Variants in PIP4K2B observed in about 807,000 individuals in gnomAD.
PIP4K2B encodes the protein phosphatidylinositol 5-phosphate 4-kinase type-2 beta.
Under a neutral mutation model 42.0 loss-of-function variants are expected in PIP4K2B, and 3 were observed. The observed-to-expected ratio is 0.07, with a 90% CI of 0.03 to 0.18. PIP4K2B has a LOEUF of 0.18. Ranked by LOEUF, PIP4K2B falls within the 10% of genes least tolerant of loss-of-function variation. The probability of loss-of-function intolerance (pLI) is 1.00; values close to 1 mark genes in which losing one functional copy is unlikely to be tolerated. For synonymous variants in PIP4K2B, 204 were observed against 210.1 expected (o/e 0.97, Z 0.25); for missense variants, 332 against 562.3 (o/e 0.59, Z 4.14).
At chr17:38,786,793 A>G in intron 2 of PIP4K2B, 30 bp downstream of exon 2, 2 of 1,436,438 alleles carry the variant, frequency 1.4e-6, no homozygotes, top group Non-Finnish European at 2.0e-6. Flanking sequence ...ACTGCCCACA[A>G]AACCTGAGTC....
intron 3 of PIP4K2B, among the ~76,000 whole-genome samples, chr17:38,783,061 G>T (rs1254606812): frequency 6.6e-6 from 1 of 151,748 alleles, no homozygotes; most frequent in Non-Finnish European, 1.5e-5. Context: ...CGGGTGTGGT[G>T]GTGGGCGCCT....
intron 7 of PIP4K2B, among the ~76,000 whole-genome samples, chr17:38,774,534 C>G (rs1046246091): frequency 1.3e-5 from 2 of 151,956 alleles, no homozygotes; most frequent in East Asian, 1.9e-4. Context: ...TTTGGGAGGC[C>G]GAGGCAGGCA....
chr17:38,779,974 T>C (rs1046426641), intron 4 of PIP4K2B: 1 of 181,782 alleles, frequency 5.5e-6, no homozygotes, highest in Non-Finnish European at 1.1e-5. Context: ...CTCTTATCCA[T>C]GCCATGCCCC....
intron 1 of PIP4K2B, among the ~76,000 whole-genome samples, chr17:38,795,753 G>C (rs1303428768): frequency 8.9e-6 from 1 of 112,040 alleles, no homozygotes. Flanking sequence ...TCTGTCTCAA[G>C]AAAAAAAAAA....
Position 38,777,673 on chromosome 17 carries a change from A to G in PIP4K2B, c.807+14T>C, listed in dbSNP as rs1598046896. The G allele has an allele frequency of 1.3e-6, 2 of 1,540,118 alleles. No individual in the cohort carries two copies. The highest frequency in any genetic ancestry group is 1.7e-4 in the Middle Eastern group (1 of 5,908). On this transcript the variant is annotated intron_variant, in intron 7 of 9. Coordinates refer to ENST00000619039, the MANE Select transcript of PIP4K2B (RefSeq NM_003559.5). ...GAAGGAGCCTTGCAGGTGAAAATGAAGGTTAGTAAGTACCTCAACGTCCCG... is the reference window on the plus strand; with the variant it reads ...GAAGGAGCCTTGCAGGTGAAAATGAGGGTTAGTAAGTACCTCAACGTCCCG...
chr17:38,780,941 T>C (rs760459611), intron 3 of PIP4K2B, among the ~76,000 whole-genome samples: 5 of 152,156 alleles, frequency 3.3e-5, no homozygotes, highest in Admixed American at 6.5e-5. Context: ...TAATCTGGAC[T>C]CTCACACGCA....
intron 2 of PIP4K2B, 113 bp downstream of exon 2, chr17:38,786,710 T>A: frequency 1.3e-6 from 1 of 749,326 alleles, no homozygotes. Flanking sequence ...GGTGCTGCTG[T>A]CACACCCTGC....
chr17:38,780,642 G>A, intron 3 of PIP4K2B, 38 bp from the exon 4 acceptor site: 1 of 1,593,356 alleles, frequency 6.3e-7, no homozygotes, highest in Non-Finnish European at 8.6e-7. Flanking sequence ...GCTTGGCAGG[G>A]GAACAGAATT....
At position 38,767,297 on chromosome 17, in the gene PIP4K2B, A is replaced by G. The variant is rs972022483; in HGVS notation, c.*2394T>C. The stretch of plus-strand genomic sequence containing the variant: ...CAAAAAGAAGAGAAAGGAAACTTGT[A>G]TAAACCAAGATAAATAGCTTTTAAA... On this transcript the variant is annotated 3_prime_UTR_variant, in exon 10 of 10. Coordinates refer to ENST00000619039, the MANE Select transcript of PIP4K2B (RefSeq NM_003559.5). 6.6e-6 allele frequency: 1 copy of G among 152,222 alleles called. No homozygotes were observed. The highest frequency in any genetic ancestry group is 1.5e-5 in the Non-Finnish European group (1 of 68,038). The allele number at this position is 152,222 out of a possible 1,614,324, so 9.4% of individuals were successfully genotyped here. A position where few individuals can be genotyped will look rare whatever the true frequency, so the allele number is the denominator to read the frequency against.
rs1022925120 is a variant in PIP4K2B at position 38,771,051 on chromosome 17, G to T, written c.1029C>A (p.Asp343Glu). The T allele has an allele frequency of 6.2e-7, 1 of 1,614,158 alleles. No homozygotes were observed. Among genetic ancestry groups the T allele is most frequent in the East Asian group, 2.2e-5 (1 of 44,884 alleles). The part of the protein sequence containing the change: ...FPRFFGPGEF[D>E]PSVDVYAMKS... ...TCATGGCATAGACGTCAACAGAGGG[G>T]TCGAATTCCCCAGGACCAAAGAACC... is the stretch of plus-strand genomic sequence containing the variant. Residue 343 changes from aspartate (D) to glutamate (E), a missense_variant, in exon 8 of 10, where the codon GAC becomes GAA. Asp to Glu is a conservative substitution (Grantham distance 45, BLOSUM62 2). This residue lies in a region of PIP4K2B where 63 missense variants were observed against 71.6 expected (regional missense o/e 0.88). Coordinates refer to ENST00000619039, the MANE Select transcript of PIP4K2B (RefSeq NM_003559.5).
At chr17:38,784,108 G>T (rs549539908) in intron 3 of PIP4K2B, 135 bp downstream of exon 3, 2 of 599,724 alleles carry the variant, frequency 3.3e-6, no homozygotes, top group East Asian at 2.9e-5. Context: ...GGGAGAGACC[G>T]CCTGGGCTGG....
chr17:38,782,808 G>T (rs1361634683), intron 3 of PIP4K2B, among the ~76,000 whole-genome samples: 1 of 152,132 alleles, frequency 6.6e-6, no homozygotes, highest in Non-Finnish European at 1.5e-5. Context: ...GAAAAGATTT[G>T]GGCATCCATT....
rs532757245 is a variant in PIP4K2B, at chr17:38,775,052, C to A, written c.807+2635G>T. Among the ~76,000 whole-genome samples the A allele has an allele frequency of 2.8e-4, 42 of 151,876 alleles. 1 individual carries two copies. In the South Asian group the frequency reaches 7.9e-3, roughly 29 times the overall value. ...GCAAGCTCCGTCTCCCGGGTTCATG[C>A]CATTCTCCTGCCTCAGCCTCCCGAG... On this transcript the variant is annotated intron_variant, in intron 7 of 9. Transcript: ENST00000619039.
At chr17:38,790,288 CTTT>C (rs1910274990) in intron 1 of PIP4K2B, among the ~76,000 whole-genome samples, 1 of 152,290 alleles carries the variant, frequency 6.6e-6, no homozygotes, top group Admixed American at 6.5e-5. Context: ...CATTCCACTT[CTTT>C]GTTTTTCTGC....
chr17:38,799,430 G>GGGA lies in PIP4K2B; in HGVS notation c.-7_-6insTCC. On this transcript the variant is annotated 5_prime_UTR_variant, in exon 1 of 10. Transcript: ENST00000619039. The surrounding 1 kb of genome is among the most constrained non-coding windows in gnomAD (Gnocchi z 4.4). ...CTGGTGCAGTTGGACGACATGCCCG[G>GGGA]GGCGGCGGCGGCGGCGGCGAAAGAG... The GGGA allele has an allele frequency of 6.3e-7, 1 of 1,574,946 alleles. No individual in the cohort carries two copies. Among genetic ancestry groups the GGGA allele is most frequent in the Non-Finnish European group, 8.6e-7 (1 of 1,167,644 alleles).
chr17:38,795,513 A>C (rs929636979), intron 1 of PIP4K2B, among the ~76,000 whole-genome samples: 9 of 152,098 alleles, frequency 5.9e-5, no homozygotes, highest in African/African-American at 2.2e-4. Flanking sequence ...CACTCTGGGA[A>C]GCCAAGGCAG....
intron 1 of PIP4K2B, among the ~76,000 whole-genome samples, chr17:38,793,727 C>T (rs1910466327): frequency 6.6e-6 from 1 of 151,792 alleles, no homozygotes; most frequent in African/African-American, 2.4e-5. Context: ...AAGTGTTAGT[C>T]GGGTGTGGTG....
chr17:38,780,425 G>A (rs779902701), intron 4 of PIP4K2B, 27 bp downstream of exon 4: 3 of 1,581,566 alleles, frequency 1.9e-6, no homozygotes, highest in Non-Finnish European at 2.6e-6. Context: ...CCCATCCTCT[G>A]CAGCCCAGGC....
intron 1 of PIP4K2B, among the ~76,000 whole-genome samples, chr17:38,793,754 C>T (rs936321810): frequency 6.6e-6 from 1 of 151,988 alleles, no homozygotes; most frequent in Non-Finnish European, 1.5e-5. Context: ...GCCTGTAGTC[C>T]CAGCTACTCG....
Sources: gnomAD v4.1 joint callset for allele counts (sites outside exome capture counted in the v4.1 genomes callset) on GRCh38, gnomAD v4.1.1 for gene constraint, gnomAD v4.1.1 regional missense constraint, Gnocchi (gnomAD v3.1) non-coding constraint, MANE v1.5 for transcripts, NCBI Gene and HGNC (gene_info 2026-07-23, HGNC 2026-07-21) for gene names.